The following PPOX variants were observed in gnomAD, a reference collection of about 807,000 sequenced individuals.
PPOX encodes variegate porphyria.
A neutral mutation model predicts 54.1 loss-of-function variants in PPOX; 23 were observed. That is an observed-to-expected ratio of 0.43 (90% CI 0.31 to 0.60). The LOEUF (loss-of-function observed/expected upper bound fraction) is 0.60. Ranked by LOEUF, PPOX falls within the 20% of genes least tolerant of loss-of-function variation. PPOX has a pLI of 0.13. For synonymous variants in PPOX, 224 were observed against 236.1 expected (o/e 0.95, Z 0.47); for missense variants, 512 against 601.1 (o/e 0.85, Z 1.55).
chr1:161,173,730 A>G, downstream of PPOX: 1 of 1,614,136 alleles, frequency 6.2e-7, no homozygotes, highest in East Asian at 2.2e-5. Context: ...ACGGGAGGCT[A>G]GGGAGAGAAA....
chr1:161,174,146 G>C (rs562984900), downstream of PPOX: 19 of 1,316,620 alleles, frequency 1.4e-5, no homozygotes, highest in Admixed American at 4.4e-5. Context: ...GGTGGCTTAC[G>C]CCTGTAATCC....
intron 2 of PPOX, 76 bp from the exon 3 acceptor site, chr1:161,167,024 G>A: frequency 6.2e-7 from 1 of 1,612,396 alleles, no homozygotes; most frequent in Non-Finnish European, 8.5e-7. Context: ...CTCTGAATAT[G>A]CCTCTTCCCC....
Position 161,168,145 on chromosome 1 carries a change from G to A in PPOX, c.471+18G>A, listed in dbSNP as rs778099307. The A allele has an allele frequency of 6.2e-6, 10 of 1,614,006 alleles. No individual in the cohort carries two copies. The Admixed American group carries it at 1.0e-4, about 16-fold the overall frequency. ...GACCTGAGGTGACACTTGCCCAGAG[G>A]CCCCAAACCTCTTCCCTCCTAAACC... On this transcript the variant is annotated intron_variant, in intron 5 of 12. Transcript: ENST00000367999.
chr1:161,176,945 C>T (rs1439474785), exon 5 of PPOX: 17 of 1,536,030 alleles, frequency 1.1e-5, no homozygotes, highest in African/African-American at 1.4e-5. Flanking sequence ...TCCTTCTATT[C>T]TTCATGTGCC....
At position 161,169,136 on chromosome 1, in the gene PPOX, G is replaced by A. The variant is rs1222869186; in HGVS notation, c.760G>A (p.Gly254Ser). 3 of 1,614,172 alleles carry A rather than the reference G, an allele frequency of 1.9e-6. No individual in the cohort carries two copies. Among genetic ancestry groups the A allele is most frequent in the Non-Finnish European group, 2.5e-6 (3 of 1,180,042 alleles). ...TAGTAGGGGGGTCAGTGTTCTCAGA[G>A]GCCAGCCGGTCTGTGGGCTCAGCCT... Reference protein sequence around the residue: ...LTSRGVSVLRGQPVCGLSLQA... With the variant: ...LTSRGVSVLRSQPVCGLSLQA... Residue 254 changes from glycine to serine, a missense_variant, in exon 7 of 13, where the codon GGC (glycine) becomes AGC (serine). By Grantham distance (56) the Gly-to-Ser change is moderately conservative. Transcript: ENST00000367999.
At chr1:161,170,875 A>G (rs2101904181) in intron 11 of PPOX, 32 bp from the exon 12 acceptor site, 1 of 1,613,936 alleles carries the variant, frequency 6.2e-7, no homozygotes. Context: ...TCAATAATAA[A>G]CTTTTCCCTG....
At chr1:161,172,365 A>G (rs199883927), downstream of PPOX, 49 of 1,576,844 alleles carry the variant, frequency 3.1e-5, no homozygotes, top group Admixed American at 5.4e-4. Flanking sequence ...TGGGGGATCC[A>G]GAGTAGAGAA....
At chr1:161,170,813 G>A (rs1427748741) in intron 11 of PPOX, 44 bp downstream of exon 11, 2 of 1,614,038 alleles carry the variant, frequency 1.2e-6, no homozygotes, top group Non-Finnish European at 1.7e-6. Context: ...TGAAGGCCTT[G>A]AAGACAGAGA....
upstream of PPOX, chr1:161,166,143 CCCTCTAGG>C: frequency 1.0e-6 from 1 of 985,288 alleles, no homozygotes; most frequent in Non-Finnish European, 1.2e-6. Context: ...CTGCGGCCTT[CCCTCTAGG>C]GTTGTCACCC....
At position 161,170,638 on chromosome 1, in the gene PPOX, T is replaced by C. The variant is rs1389745277; in HGVS notation, c.1117T>C (p.Trp373Arg). 28 of 1,614,194 alleles carry C rather than the reference T, an allele frequency of 1.7e-5. No individual in the cohort carries two copies. The highest frequency in any genetic ancestry group is 2.4e-5 in the Non-Finnish European group (28 of 1,180,044). The change falls in exon 11 of 13, where the codon TGG becomes CGG. Residue 373 changes from tryptophan to arginine, a missense_variant. Physicochemically the swap from Trp to Arg is moderately radical, Grantham distance 101. Transcript: ENST00000367999. ...LRVTVMLGGS[W>R]LQTLEASGCV... ...TCCTTAGGTGATGCTGGGAGGTTCCTGGTTACAGACACTGGAGGCTAGTGG... is the reference window on the plus strand; with the variant it reads ...TCCTTAGGTGATGCTGGGAGGTTCCCGGTTACAGACACTGGAGGCTAGTGG...
At chr1:161,169,798 A>C (rs937785328) in intron 8 of PPOX, 78 bp downstream of exon 8, 1 of 1,612,932 alleles carries the variant, frequency 6.2e-7, no homozygotes, top group Non-Finnish European at 8.5e-7. Flanking sequence ...GGTCAGCAGG[A>C]CCACACCATG....
chr1:161,175,143 C>T, downstream of PPOX: 1 of 1,613,980 alleles, frequency 6.2e-7, no homozygotes, highest in Non-Finnish European at 8.5e-7. Flanking sequence ...CAGGGCGGTA[C>T]CGGCCCCCTG....
chr1:161,167,985 C>T lies in PPOX; in HGVS notation c.339-10C>T. 2.5e-6 allele frequency: 4 copies of T among 1,614,174 alleles called. No homozygotes were observed. The highest frequency in any genetic ancestry group is 1.1e-5 in the South Asian group (1 of 91,082). ...GGAGCTTCCCCCTCACTATGCCTTT[C>T]TCCATGCAGGGGGCTACTCCGCCCT... On this transcript the variant is annotated splice_polypyrimidine_tract_variant and intron_variant, in intron 4 of 12. Transcript: ENST00000367999.
downstream of PPOX, chr1:161,172,529 C>G: frequency 1.7e-6 from 1 of 577,584 alleles, no homozygotes; most frequent in Non-Finnish European, 3.0e-6. Flanking sequence ...TCCTCAGGGC[C>G]CAGTGCCAGT....
downstream of PPOX, among the ~76,000 whole-genome samples, chr1:161,172,627 G>A (rs1383341875): frequency 1.3e-5 from 2 of 152,198 alleles, no homozygotes; most frequent in Non-Finnish European, 2.9e-5. Flanking sequence ...TAGGAAGGAC[G>A]CAGAGAGAGG....
Position 161,169,740 on chromosome 1 carries a change from C to T in PPOX, c.868+20C>T. The stretch of plus-strand genomic sequence containing the variant: ...CTTCAGGTAATGGAATAGCCACCTT[C>T]CCCTTCCCCAACCCCTACCAGTGAG... On this transcript the variant is annotated intron_variant, in intron 8 of 12. Coordinates refer to ENST00000367999, the MANE Select transcript of PPOX (RefSeq NM_001122764.3). 1 of 1,614,068 alleles carries T rather than the reference C, an allele frequency of 6.2e-7. No homozygotes were observed.
intron 9 of PPOX, 128 bp from the exon 10 acceptor site, chr1:161,170,281 C>A (rs1466419555): frequency 4.5e-6 from 4 of 898,078 alleles, no homozygotes; most frequent in Non-Finnish European, 7.1e-6. Flanking sequence ...GCTGAGATCT[C>A]GCCATTACAC....
chr1:161,171,747 G>T, downstream of PPOX: 1 of 1,567,326 alleles, frequency 6.4e-7, no homozygotes, highest in Non-Finnish European at 8.7e-7. Context: ...GAACAGTGAG[G>T]AGCTGAGGGT....
rs1660912452 is a variant in PPOX, at chr1:161,170,459, C to T, written c.1038C>T (p.Ile346=). The change falls in exon 10 of 13, where the codon ATC becomes ATT. Residue 346 remains isoleucine (I), a synonymous_variant. Coordinates refer to ENST00000367999, the MANE Select transcript of PPOX (RefSeq NM_001122764.3). ...CAGAAGATCCAGGAGTCCTGGGAAT[C>T]GTGTATGACTCAGTTGCTTTCCCTG... The part of the protein sequence containing the change: ...PSSEDPGVLG[I]VYDSVAFPEQ... The T allele has an allele frequency of 2.5e-6, 4 of 1,614,044 alleles. No individual in the cohort carries two copies. Among genetic ancestry groups the T allele is most frequent in the Middle Eastern group, 1.6e-4 (1 of 6,084 alleles).
Sources: gnomAD v4.1 joint callset for allele counts (sites outside exome capture counted in the v4.1 genomes callset) on GRCh38, gnomAD v4.1.1 for gene constraint, MANE v1.5 for transcripts, NCBI Gene and HGNC (gene_info 2026-07-23, HGNC 2026-07-21) for gene names.